Variants in MCTP2 observed in about 807,000 individuals in gnomAD.
MCTP2 encodes multiple C2 and transmembrane domain-containing protein 2.
MCTP2 carries 132 observed loss-of-function variants against 111.6 expected under a neutral mutation model. That is an observed-to-expected ratio of 1.18 (90% CI 1.03 to 1.37). The LOEUF (loss-of-function observed/expected upper bound fraction) is 1.37, where lower values mean the gene tolerates loss of function less well. Among genes scored for constraint, MCTP2 ranks in the 40% most tolerant of loss-of-function variants. The pLI is 0.00. For missense variants in MCTP2, 1,183 were observed against 1,067.9 expected, an observed-to-expected ratio of 1.11 and a Z score of -1.50; for synonymous variants, 395 against 387.7, an observed-to-expected ratio of 1.02 and a Z score of -0.22.
At chr15:94,402,754 C>A in intron 17 of MCTP2, 1 of 1,427,578 alleles carries the variant, frequency 7.0e-7, no homozygotes, top group Non-Finnish European at 9.1e-7. Context: ...GAGGAGAAAT[C>A]AAGTCTCCCG....
chr15:94,310,013 T>C (rs1272855000), intron 2 of MCTP2, among the ~76,000 whole-genome samples: 1 of 152,242 alleles, frequency 6.6e-6, no homozygotes, highest in Non-Finnish European at 1.5e-5. Context: ...GCTTTGACAA[T>C]ATTTAAAATT....
At chr15:94,312,502 G>A (rs2076190951) in intron 2 of MCTP2, among the ~76,000 whole-genome samples, 1 of 152,186 alleles carries the variant, frequency 6.6e-6, no homozygotes, top group South Asian at 2.1e-4. Context: ...AGGCAGTGGT[G>A]GTACTTCCTC....
chr15:94,372,162 G>A (rs997251754), intron 12 of MCTP2, among the ~76,000 whole-genome samples: 2 of 152,238 alleles, frequency 1.3e-5, no homozygotes, highest in Non-Finnish European at 2.9e-5. Flanking sequence ...AACGATAGCA[G>A]TAGTTAGAAA....
intron 17 of MCTP2, among the ~76,000 whole-genome samples, chr15:94,427,546 T>C (rs752386450): frequency 2.6e-5 from 4 of 152,086 alleles, no homozygotes; most frequent in Non-Finnish European, 4.4e-5. Context: ...TCATGAGAAC[T>C]CACTCACTAT....
chr15:94,271,475 TAGTG>T (rs1420407900), intron 1 of MCTP2, among the ~76,000 whole-genome samples: 2 of 152,144 alleles, frequency 1.3e-5, no homozygotes, highest in Admixed American at 1.3e-4. Context: ...ATGTTAGAAT[TAGTG>T]AGTTTTCCTG....
At chr15:94,278,689 G>T (rs2074332445) in intron 1 of MCTP2, among the ~76,000 whole-genome samples, 1 of 139,282 alleles carries the variant, frequency 7.2e-6, no homozygotes. Context: ...AGTGAGCGTA[G>T]TACCTAACAG....
chr15:94,440,073 A>G, intron 17 of MCTP2, 103 bp from the exon 18 acceptor site: 1 of 1,316,658 alleles, frequency 7.6e-7, no homozygotes, highest in Non-Finnish European at 1.1e-6. Flanking sequence ...GAATGTGACT[A>G]GAAAGAGTCC....
At chr15:94,375,982 T>G (rs1282255709) in intron 12 of MCTP2, among the ~76,000 whole-genome samples, 1 of 152,154 alleles carries the variant, frequency 6.6e-6, no homozygotes. Flanking sequence ...CCACAGATAT[T>G]CATTGAGCAC....
In MCTP2 at chr15:94,245,636, TTATACA is replaced by T. The variant is rs945737774; in HGVS notation, c.-66+13982_-66+13987del. Among the ~76,000 whole-genome samples the T allele has an allele frequency of 3.2e-4, 46 of 141,734 alleles. 1 individual carries two copies. Among genetic ancestry groups the T allele is most frequent in the East Asian group, 2.4e-3 (12 of 4,974 alleles). 93.0% of individuals were successfully genotyped at this position (141,734 alleles called of 152,430 possible). A position where few individuals can be genotyped will look rare whatever the true frequency, so the allele number is the denominator to read the frequency against. On this transcript the variant is annotated intron_variant, in intron 1 of 22. Transcript: ENST00000357742. ...TATGTACATGTATATATACATATAC[TTATACA>T]TATACATATGTATATGTAAATGTGT...
chr15:94,257,568 T>TG (rs2072877485), intron 1 of MCTP2, among the ~76,000 whole-genome samples: 3 of 38,512 alleles, frequency 7.8e-5, no homozygotes, highest in Non-Finnish European at 1.6e-4. Flanking sequence ...TTTTCTTTGT[T>TG]GTTTTTTTTT....
At position 94,470,448 on chromosome 15, in the gene MCTP2, T is replaced by G; in HGVS notation, c.2470+6T>G. 6.4e-7 allele frequency: 1 copy of G among 1,555,804 alleles called. No individual in the cohort carries two copies. The highest frequency in any genetic ancestry group is 1.4e-5 in the African/African-American group (1 of 73,854). ...GTACATCATTTTAATCTGGGGTAAG[T>G]TTGGAATGGTCCTTTTGCTAGCAAT... On this transcript the variant is annotated splice_donor_region_variant and intron_variant, in intron 21 of 22. Coordinates refer to ENST00000357742, the MANE Select transcript of MCTP2 (RefSeq NM_001385001.1).
At chr15:94,361,666 A>AAGATAT (rs1196293658) in intron 10 of MCTP2, among the ~76,000 whole-genome samples, 1 of 152,232 alleles carries the variant, frequency 6.6e-6, no homozygotes, top group Non-Finnish European at 1.5e-5. Flanking sequence ...TTAAGAAAAT[A>AAGATAT]AGATATGACT....
intron 1 of MCTP2, among the ~76,000 whole-genome samples, chr15:94,249,344 C>G (rs2072236889): frequency 6.6e-6 from 1 of 152,106 alleles, no homozygotes; most frequent in African/African-American, 2.4e-5. Context: ...TAGGATATTT[C>G]TGGTCCTTCT....
At chr15:94,451,289 TA>T (rs539830999) in intron 19 of MCTP2, among the ~76,000 whole-genome samples, 1 of 152,130 alleles carries the variant, frequency 6.6e-6, no homozygotes, top group East Asian at 1.9e-4. Flanking sequence ...ATTGTGTGTT[TA>T]AAAAAAACAA....
chr15:94,381,811 G>T (rs2080154635), intron 12 of MCTP2, among the ~76,000 whole-genome samples: 2 of 152,160 alleles, frequency 1.3e-5, no homozygotes, highest in South Asian at 4.1e-4. Flanking sequence ...ATGTTGGTAG[G>T]CTTTTCCCCA....
intron 20 of MCTP2, among the ~76,000 whole-genome samples, chr15:94,464,257 T>TATATATA (rs4001978): frequency 6.0e-4 from 27 of 44,940 alleles, no homozygotes; most frequent in African/African-American, 1.5e-3. Context: ...TATATATATA[T>TATATATA]TATATATATA....
chr15:94,338,648 C>T (rs1386271059), intron 4 of MCTP2, among the ~76,000 whole-genome samples: 1 of 152,068 alleles, frequency 6.6e-6, no homozygotes, highest in Non-Finnish European at 1.5e-5. Context: ...GGCGGGTCAG[C>T]GGTGTCAGCA....
At chr15:94,472,051 G>A (rs1445409591) in intron 21 of MCTP2, among the ~76,000 whole-genome samples, 1 of 152,172 alleles carries the variant, frequency 6.6e-6, no homozygotes, top group Non-Finnish European at 1.5e-5. Flanking sequence ...GTGCTTGCTT[G>A]GTCTGTTTCT....
chr15:94,428,050 C>T (rs1017034129), intron 17 of MCTP2, among the ~76,000 whole-genome samples: 3 of 152,156 alleles, frequency 2.0e-5, no homozygotes, highest in East Asian at 1.9e-4. Context: ...GCTTCACTCT[C>T]GTAAGTCAAT....
Sources: gnomAD v4.1 joint callset for allele counts (sites outside exome capture counted in the v4.1 genomes callset) on GRCh38, gnomAD v4.1.1 for gene constraint, MANE v1.5 for transcripts, NCBI Gene and HGNC (gene_info 2026-07-23, HGNC 2026-07-21) for gene names.